SPG7: variants seen among roughly 807,000 people sequenced by gnomAD.
The protein encoded by SPG7 is mitochondrial inner membrane m-AAA protease component paraplegin.
In SPG7, 103 loss-of-function variants were observed where a neutral mutation model predicts 81.9. The observed-to-expected ratio is 1.26, with a 90% CI of 1.07 to 1.48. SPG7 has a LOEUF of 1.48. SPG7 is among the 40% of genes most tolerant of loss of function. The pLI, the probability that SPG7 is intolerant of heterozygous loss-of-function variation, is 0.00. For synonymous variants in SPG7, 534 were observed against 444.2 expected (o/e 1.20, Z -2.54); for missense variants, 1,241 against 1,087.3 (o/e 1.14, Z -1.99).
At chr16:89,529,933 G>A (rs147456561) in intron 6 of SPG7, 81 of 337,414 alleles carry the variant, frequency 2.4e-4, no homozygotes, top group African/African-American at 1.4e-3. Flanking sequence ...TGCACCTCCC[G>A]CATTCAAGCA....
At chr16:89,511,089 T>C (rs2058015562) in intron 2 of SPG7, among the ~76,000 whole-genome samples, 1 of 152,140 alleles carries the variant, frequency 6.6e-6, no homozygotes, top group Non-Finnish European at 1.5e-5. Flanking sequence ...CAGCCTGCCT[T>C]GGCCTCCCAA....
intron 7 of SPG7, 124 bp from the exon 8 acceptor site, chr16:89,531,780 C>T (rs1371429963): frequency 2.2e-6 from 2 of 910,566 alleles, no homozygotes; most frequent in Admixed American, 2.0e-5. Context: ...GAGTTTGAGG[C>T]TGCAGTGAGC....
chr16:89,529,675 C>T, intron 6 of SPG7, 96 bp downstream of exon 6: 6 of 931,814 alleles, frequency 6.4e-6, no homozygotes, highest in Middle Eastern at 2.2e-4. Flanking sequence ...CAGGGAAAAC[C>T]TGTTGCAGAG....
intron 11 of SPG7, 78 bp downstream of exon 11, chr16:89,546,838 C>T: frequency 1.1e-6 from 1 of 944,032 alleles, no homozygotes; most frequent in Non-Finnish European, 1.7e-6. Context: ...AGCATCGAGG[C>T]CTCCTCTGTG....
chr16:89,530,859 T>G, intron 7 of SPG7, 51 bp downstream of exon 7: 1 of 1,611,976 alleles, frequency 6.2e-7, no homozygotes, highest in Non-Finnish European at 8.5e-7. Flanking sequence ...CCGGCCGTCC[T>G]CCTCTCCCAG....
chr16:89,526,775 C>T, intron 5 of SPG7: 1 of 376,944 alleles, frequency 2.7e-6, no homozygotes, highest in East Asian at 6.7e-5. Flanking sequence ...AGTCTCAGCC[C>T]CCGACGTAAG....
At chr16:89,528,274 C>T (rs918791456) in intron 5 of SPG7, among the ~76,000 whole-genome samples, 3 of 151,888 alleles carry the variant, frequency 2.0e-5, no homozygotes, top group Admixed American at 6.6e-5. Context: ...TGCCTGTAGT[C>T]CCAGCTACTC....
At chr16:89,515,353 C>T (rs544705797) in intron 3 of SPG7, among the ~76,000 whole-genome samples, 9 of 151,778 alleles carry the variant, frequency 5.9e-5, no homozygotes, top group African/African-American at 1.9e-4. Flanking sequence ...AGTGCAACCC[C>T]TGCCTCCTGA....
At position 89,534,082 on chromosome 16, in the gene SPG7, G is replaced by A. The variant is rs527823405; in HGVS notation, c.1324+1446G>A. On this transcript the variant is annotated intron_variant, in intron 9 of 16. Coordinates refer to ENST00000645818, the MANE Select transcript of SPG7 (RefSeq NM_003119.4). The stretch of plus-strand genomic sequence containing the variant: ...AAGTTCATTGACATTCAGTATATTC[G>A]CACTGTTGAGCAACCGCCACCACCA... 4.6e-5 allele frequency among the ~76,000 whole-genome samples: 7 copies of A among 152,060 alleles called. No homozygotes were observed. In the South Asian group the frequency reaches 1.0e-3, roughly 23 times the overall value.
chr16:89,554,336 A>G, intron 15 of SPG7, 150 bp from the exon 16 acceptor site: 1 of 698,586 alleles, frequency 1.4e-6, no homozygotes, highest in South Asian at 1.5e-5. Flanking sequence ...GGCACTGGTC[A>G]CAGGGGCAGG....
intron 12 of SPG7, 121 bp downstream of exon 12, chr16:89,548,234 C>T (rs1209566810): frequency 8.4e-6 from 6 of 713,230 alleles, no homozygotes; most frequent in Admixed American, 2.0e-5. Flanking sequence ...ACACACGTTG[C>T]GTTTCAGTTC....
intron 3 of SPG7, among the ~76,000 whole-genome samples, chr16:89,513,814 C>T (rs1392005707): frequency 6.6e-6 from 1 of 152,216 alleles, no homozygotes; most frequent in Non-Finnish European, 1.5e-5. Context: ...AGGCACCTGG[C>T]CTTGGAAGGC....
intron 9 of SPG7, chr16:89,543,160 G>T (rs560894548): frequency 1.3e-5 from 2 of 150,814 alleles, no homozygotes; most frequent in African/African-American, 4.9e-5. Flanking sequence ...TGTTAGCCAG[G>T]ATGCTCTCCA....
chr16:89,557,250 A>C lies in SPG7; in HGVS notation c.*157A>C. ...GATCTGTTGATTGATGACCCTTTTCATGATTTTAAGTTTCTCTGCAGAAAC... is the reference window on the plus strand; with the variant it reads ...GATCTGTTGATTGATGACCCTTTTCCTGATTTTAAGTTTCTCTGCAGAAAC... On this transcript the variant is annotated 3_prime_UTR_variant, in exon 17 of 17. Transcript: ENST00000645818. The C allele has an allele frequency of 1.6e-6, 1 of 614,558 alleles. No homozygotes were observed. Among genetic ancestry groups the C allele is most frequent in the Non-Finnish European group, 2.9e-6 (1 of 345,392 alleles). 38.1% of individuals were successfully genotyped at this position (614,558 alleles called of 1,614,324 possible).
chr16:89,510,528 G>A lies in SPG7; in HGVS notation c.222G>A (p.Gly74=), dbSNP rs758816368. 1.2e-6 allele frequency: 2 copies of A among 1,611,692 alleles called. No individual in the cohort carries two copies. The highest frequency in any genetic ancestry group is 8.5e-7 in the Non-Finnish European group (1 of 1,178,980). Residue 74 remains glycine, a synonymous_variant, in exon 2 of 17, where the codon GGG becomes GGA. Coordinates refer to ENST00000645818, the MANE Select transcript of SPG7 (RefSeq NM_003119.4). ...QLRLLTPTFE[G]INGLLLKQHL... is the part of the protein sequence containing the mutation. The stretch of plus-strand genomic sequence containing the variant: ...GACTGCTAACCCCTACCTTTGAAGG[G>A]ATCAACGGATTGTTGTTGAAACAAC...
At chr16:89,552,854 G>T in intron 13 of SPG7, 125 bp from the exon 14 acceptor site, 1 of 859,592 alleles carries the variant, frequency 1.2e-6, no homozygotes. Context: ...TGTTGTAGAG[G>T]ATGCTGCACA....
chr16:89,536,218 G>C (rs80013854), intron 9 of SPG7, among the ~76,000 whole-genome samples: 2,100 of 61,888 alleles, frequency 0.034, 222 homozygotes, highest in Middle Eastern at 0.071. Context: ...GTGGCCTTCA[G>C]TGTGGCCTCT....
chr16:89,532,188 G>C (rs2058352872), intron 8 of SPG7, 122 bp downstream of exon 8: 2 of 1,147,338 alleles, frequency 1.7e-6, no homozygotes, highest in Admixed American at 4.0e-5. Flanking sequence ...GAGAAGGAAA[G>C]CGAGGTCTGG....
chr16:89,553,173 C>A, intron 14 of SPG7, 38 bp downstream of exon 14: 1 of 1,562,726 alleles, frequency 6.4e-7, no homozygotes, highest in Non-Finnish European at 8.7e-7. Flanking sequence ...GGTTTCAGAG[C>A]GCTTTTCCCT....
Sources: allele counts gnomAD v4.1 joint callset (sites outside exome capture counted in the v4.1 genomes callset), GRCh38; gene constraint gnomAD v4.1.1; transcripts MANE v1.5; gene names NCBI Gene and HGNC (gene_info 2026-07-23, HGNC 2026-07-21).